SCHIP1: variants seen among roughly 807,000 people sequenced by gnomAD.
SCHIP1 encodes the protein schwannomin-interacting protein 1.
Under a neutral mutation model 29.7 loss-of-function variants are expected in SCHIP1, and 8 were observed. The observed-to-expected ratio is 0.27, with a 90% CI of 0.16 to 0.49. SCHIP1 has a LOEUF of 0.49. SCHIP1 is among the 20% of genes least tolerant of loss of function. The pLI is 0.99. For synonymous variants in SCHIP1, 76 were observed against 94.9 expected (o/e 0.80, Z 1.16); for missense variants, 193 against 294.6 (o/e 0.66, Z 2.52).
the SCHIP1 span, among the ~76,000 whole-genome samples, chr3:159,395,761 AGGTGT>A: frequency 2.0e-5 from 3 of 151,394 alleles, no homozygotes; most frequent in African/African-American, 7.3e-5. Context: ...ATTTTGGAAT[AGGTGT>A]GGTGTGGTGC....
chr3:159,539,375 G>T, the SCHIP1 span, among the ~76,000 whole-genome samples: 1 of 136,644 alleles, frequency 7.3e-6, no homozygotes, highest in African/African-American at 2.5e-5. Flanking sequence ...AAGGAAAAAA[G>T]AAGAGAAAAC....
the SCHIP1 span, among the ~76,000 whole-genome samples, chr3:159,489,827 AC>A: frequency 6.6e-6 from 1 of 152,124 alleles, no homozygotes; most frequent in African/African-American, 2.4e-5. Context: ...ATGTTGATAA[AC>A]AAGGTGGTGG....
At chr3:159,742,851 T>C in the SCHIP1 span, among the ~76,000 whole-genome samples, 2 of 144,738 alleles carry the variant, frequency 1.4e-5, no homozygotes, top group Non-Finnish European at 3.0e-5. Context: ...TTTTTTTTTT[T>C]TTTTTTTGGA....
At chr3:159,851,948 G>A (rs564061740) in intron 1 of SCHIP1, among the ~76,000 whole-genome samples, 2 of 152,198 alleles carry the variant, frequency 1.3e-5, no homozygotes, top group Non-Finnish European at 2.9e-5. Flanking sequence ...ATTCTTTTTG[G>A]AACTGAGGTG....
At chr3:159,701,645 A>G in the SCHIP1 span, among the ~76,000 whole-genome samples, 5 of 152,226 alleles carry the variant, frequency 3.3e-5, no homozygotes, top group South Asian at 1.0e-3. Context: ...TTTTTTATAT[A>G]TACTTTTAAA....
Position 159,878,396 on chromosome 3 carries a change from C to T in SCHIP1, c.150-7811C>T, listed in dbSNP as rs568849890. On this transcript the variant is annotated intron_variant, in intron 2 of 6. Transcript: ENST00000445224. ...ACTCGGGAGGCTGAGGCAGGAGTAT[C>T]GCTTGAACCCAGGAGGCGGAGGTTG... Among the ~76,000 whole-genome samples, 7 of 150,606 alleles carry T rather than the reference C, an allele frequency of 4.6e-5. No homozygotes were observed. In the East Asian group the frequency reaches 1.2e-3, roughly 25 times the overall value.
the SCHIP1 span, among the ~76,000 whole-genome samples, chr3:159,370,051 T>G: frequency 6.6e-6 from 1 of 152,174 alleles, no homozygotes. Context: ...TTCTTTCTTG[T>G]TTAGGCATCA....
At chr3:159,358,908 G>A in the SCHIP1 span, among the ~76,000 whole-genome samples, 2 of 149,356 alleles carry the variant, frequency 1.3e-5, no homozygotes, top group African/African-American at 2.5e-5. Flanking sequence ...AATATCATAC[G>A]GTATTAGCAT....
At chr3:159,436,202 C>T in the SCHIP1 span, among the ~76,000 whole-genome samples, 1 of 152,178 alleles carries the variant, frequency 6.6e-6, no homozygotes, top group South Asian at 2.1e-4. Context: ...CACACTCTTG[C>T]ACTCAATCAT....
the SCHIP1 span, among the ~76,000 whole-genome samples, chr3:159,790,021 G>C: frequency 4.6e-5 from 7 of 152,140 alleles, no homozygotes; most frequent in African/African-American, 1.7e-4. Context: ...CGCTCCCACC[G>C]CCAGAAGGGT....
chr3:159,478,773 T>C, the SCHIP1 span, among the ~76,000 whole-genome samples: 7 of 152,176 alleles, frequency 4.6e-5, no homozygotes, highest in Non-Finnish European at 8.8e-5. Flanking sequence ...TACAGGTCTT[T>C]CACCTCATTG....
chr3:159,547,051 ACTC>A, the SCHIP1 span, among the ~76,000 whole-genome samples: 1 of 151,890 alleles, frequency 6.6e-6, no homozygotes, highest in Non-Finnish European at 1.5e-5. Context: ...GTGTAAAAGC[ACTC>A]CTATTTCTCC....
At chr3:159,569,373 T>G in the SCHIP1 span, among the ~76,000 whole-genome samples, 1 of 152,166 alleles carries the variant, frequency 6.6e-6, no homozygotes, top group African/African-American at 2.4e-5. Flanking sequence ...TGTGTTCAAG[T>G]GATCTCATTA....
chr3:159,351,895 T>C, the SCHIP1 span, among the ~76,000 whole-genome samples: 275 of 152,302 alleles, frequency 1.8e-3, 1 homozygote, highest in African/African-American at 6.3e-3. Context: ...CAAGAACTCA[T>C]TCATTATCCC....
the SCHIP1 span, among the ~76,000 whole-genome samples, chr3:159,485,019 C>T: frequency 6.6e-6 from 1 of 152,194 alleles, no homozygotes; most frequent in South Asian, 2.1e-4. Context: ...ATATATTTGA[C>T]CTTGAGGAAC....
chr3:159,408,894 T>A, the SCHIP1 span, among the ~76,000 whole-genome samples: 1 of 152,028 alleles, frequency 6.6e-6, no homozygotes, highest in African/African-American at 2.4e-5. Context: ...CTCAACACAA[T>A]CCTAGCAAAC....
chr3:159,353,670 G>A, the SCHIP1 span, among the ~76,000 whole-genome samples: 1 of 152,064 alleles, frequency 6.6e-6, no homozygotes, highest in African/African-American at 2.4e-5. Context: ...TGTTTCATTC[G>A]TCCTGTGTGA....
chr3:159,794,995 C>A, the SCHIP1 span, among the ~76,000 whole-genome samples: 1 of 152,146 alleles, frequency 6.6e-6, no homozygotes, highest in Non-Finnish European at 1.5e-5. Flanking sequence ...TGACCTCTAT[C>A]ACAGAAGAAG....
the SCHIP1 span, among the ~76,000 whole-genome samples, chr3:159,816,735 C>T: frequency 1.3e-5 from 2 of 152,242 alleles, no homozygotes; most frequent in African/African-American, 4.8e-5. Flanking sequence ...GACCTCTGGT[C>T]TCATTTCTTA....
Sources: allele counts gnomAD v4.1 joint callset (sites outside exome capture counted in the v4.1 genomes callset), GRCh38; gene constraint gnomAD v4.1.1; transcripts MANE v1.5; gene names NCBI Gene and HGNC (gene_info 2026-07-23, HGNC 2026-07-21).